SGCZ: variants seen among roughly 807,000 people sequenced by gnomAD.
The protein encoded by SGCZ is sarcoglycan zeta, also known as zeta-sarcoglycan.
A neutral mutation model predicts 41.3 loss-of-function variants in SGCZ; 40 were observed. The ratio of observed to expected loss-of-function variants is 0.97; its 90% CI spans 0.75 to 1.26. SGCZ has a LOEUF of 1.26. SGCZ is among the 50% of genes most tolerant of loss of function. The probability of loss-of-function intolerance (pLI) is 0.00; values close to 1 mark genes in which losing one functional copy is unlikely to be tolerated. For missense variants in SGCZ, 552 were observed against 369.8 expected (o/e 1.49, Z -4.04); for synonymous variants, 206 against 137.5 (o/e 1.50, Z -3.49).
intron 1 of SGCZ, among the ~76,000 whole-genome samples, chr8:15,146,865 G>C (rs1246014207): frequency 1.3e-5 from 2 of 151,978 alleles, no homozygotes; most frequent in Non-Finnish European, 2.9e-5. Flanking sequence ...CTATCATTAG[G>C]TTAATAAAAT....
At chr8:14,776,747 C>T (rs1800415331) in intron 1 of SGCZ, among the ~76,000 whole-genome samples, 1 of 152,008 alleles carries the variant, frequency 6.6e-6, no homozygotes, top group African/African-American at 2.4e-5. Flanking sequence ...CCCACCTGGG[C>T]CTCCCAAAGT....
intron 1 of SGCZ, among the ~76,000 whole-genome samples, chr8:14,738,333 C>T (rs1799107642): frequency 6.6e-6 from 1 of 152,048 alleles, no homozygotes; most frequent in African/African-American, 2.4e-5. Flanking sequence ...GGTTCCCTCT[C>T]CTTCATCATG....
intron 5 of SGCZ, among the ~76,000 whole-genome samples, chr8:14,139,467 G>T (rs1301688436): frequency 6.6e-6 from 1 of 151,994 alleles, no homozygotes; most frequent in Non-Finnish European, 1.5e-5. Context: ...AAGAAGAAAA[G>T]AAGAATCACA....
At chr8:14,493,796 G>C (rs1042708713) in intron 2 of SGCZ, among the ~76,000 whole-genome samples, 1 of 152,032 alleles carries the variant, frequency 6.6e-6, no homozygotes, top group Non-Finnish European at 1.5e-5. Context: ...TTTCATAACA[G>C]TGTGTAACTT....
chr8:15,013,871 G>A lies in SGCZ; in HGVS notation c.39+223714C>T, dbSNP rs147288285. 9.9e-4 allele frequency among the ~76,000 whole-genome samples: 151 copies of A among 152,262 alleles called. 1 individual carries two copies. The highest frequency in any genetic ancestry group is 3.4e-3 in the African/African-American group (143 of 41,564). On this transcript the variant is annotated intron_variant, in intron 1 of 7. Coordinates refer to ENST00000382080, the MANE Select transcript of SGCZ (RefSeq NM_139167.4). ...TGTTTGTGGGAAGCATAGAGACAAA[G>A]CAGTTGGTTTCTACTGGGCTCGGGC...
chr8:14,549,073 G>T (rs989104771), intron 2 of SGCZ, among the ~76,000 whole-genome samples: 2 of 152,042 alleles, frequency 1.3e-5, no homozygotes, highest in South Asian at 4.1e-4. Context: ...GCCGGCCAAT[G>T]CTGCCTGTTA....
intron 4 of SGCZ, among the ~76,000 whole-genome samples, chr8:14,183,519 T>C (rs1804799347): frequency 6.6e-6 from 1 of 152,196 alleles, no homozygotes; most frequent in African/African-American, 2.4e-5. Context: ...ACATTATATT[T>C]ACTCTGGGAA....
chr8:14,582,941 C>T (rs1804940725), intron 1 of SGCZ, among the ~76,000 whole-genome samples: 1 of 151,878 alleles, frequency 6.6e-6, no homozygotes, highest in South Asian at 2.1e-4. Flanking sequence ...CAAGTCTTTG[C>T]TATGGTGAAT....
chr8:14,157,304 C>A (rs1022150282), intron 5 of SGCZ, among the ~76,000 whole-genome samples: 1 of 145,170 alleles, frequency 6.9e-6, no homozygotes, highest in Admixed American at 7.0e-5. Flanking sequence ...ATTTAATATA[C>A]AATATTATAT....
intron 1 of SGCZ, among the ~76,000 whole-genome samples, chr8:15,082,275 T>G (rs1805781898): frequency 6.6e-6 from 1 of 152,048 alleles, no homozygotes; most frequent in South Asian, 2.1e-4. Flanking sequence ...TTAAATATTT[T>G]ATATATTTGA....
intron 2 of SGCZ, among the ~76,000 whole-genome samples, chr8:14,541,925 T>A (rs1419611451): frequency 1.3e-5 from 2 of 152,158 alleles, no homozygotes; most frequent in Non-Finnish European, 2.9e-5. Context: ...CACAAATATG[T>A]CTTCTTTTCA....
At chr8:15,060,395 C>A (rs2131009513) in intron 1 of SGCZ, among the ~76,000 whole-genome samples, 1 of 151,748 alleles carries the variant, frequency 6.6e-6, no homozygotes, top group South Asian at 2.1e-4. Flanking sequence ...TGGAAACCAT[C>A]ATTCTCAGCA....
At chr8:14,158,285 C>G (rs967146995) in intron 5 of SGCZ, among the ~76,000 whole-genome samples, 3 of 152,134 alleles carry the variant, frequency 2.0e-5, no homozygotes, top group African/African-American at 7.2e-5. Context: ...TTATTCTACA[C>G]AGCAAAAGAG....
chr8:14,679,441 G>T (rs549670919), intron 1 of SGCZ, among the ~76,000 whole-genome samples: 2 of 151,418 alleles, frequency 1.3e-5, no homozygotes, highest in South Asian at 4.2e-4. Context: ...CCCCGCATAG[G>T]CCCAAACTAA....
At chr8:14,430,778 T>C (rs969307246) in intron 2 of SGCZ, among the ~76,000 whole-genome samples, 1 of 152,192 alleles carries the variant, frequency 6.6e-6, no homozygotes, top group Admixed American at 6.5e-5. Context: ...GATAATATCA[T>C]TGTTTATCTA....
At chr8:15,154,879 G>C (rs76943743) in intron 1 of SGCZ, among the ~76,000 whole-genome samples, 32,236 of 152,088 alleles carry the variant, frequency 0.21, 3,799 homozygotes, top group East Asian at 0.47. Flanking sequence ...ATTACAGCTA[G>C]ATAGGAGGAA....
intron 4 of SGCZ, among the ~76,000 whole-genome samples, chr8:14,169,072 A>G (rs924054421): frequency 6.6e-6 from 1 of 152,156 alleles, no homozygotes; most frequent in Non-Finnish European, 1.5e-5. Flanking sequence ...TTTGAGTACT[A>G]AGTCCTAAGT....
At chr8:14,605,080 T>G (rs187062597) in intron 1 of SGCZ, among the ~76,000 whole-genome samples, 10 of 152,270 alleles carry the variant, frequency 6.6e-5, no homozygotes, top group Admixed American at 6.5e-4. Context: ...ATCTCTTAAT[T>G]TGGGGCTACA....
intron 2 of SGCZ, among the ~76,000 whole-genome samples, chr8:14,349,318 T>A (rs773224100): frequency 2.6e-5 from 4 of 152,108 alleles, no homozygotes; most frequent in Admixed American, 6.6e-5. Context: ...ATGAGAAACT[T>A]CTTTAACTCA....
Sources: gnomAD v4.1 joint callset for allele counts (sites outside exome capture counted in the v4.1 genomes callset) on GRCh38, gnomAD v4.1.1 for gene constraint, MANE v1.5 for transcripts, NCBI Gene and HGNC (gene_info 2026-07-23, HGNC 2026-07-21) for gene names.